The following PLCG2 variants were observed in gnomAD, a reference collection of about 807,000 sequenced individuals.
PLCG2 encodes phospholipase C gamma 2.
Under a neutral mutation model 175.6 loss-of-function variants are expected in PLCG2, and 69 were observed. The ratio of observed to expected loss-of-function variants is 0.39; its 90% confidence interval spans 0.32 to 0.48. PLCG2 has a LOEUF of 0.48. Among genes scored for constraint, PLCG2 ranks in the 20% least tolerant of loss-of-function variants. The pLI, the probability that PLCG2 is intolerant of heterozygous loss-of-function variation, is 0.91. For missense variants in PLCG2, 1,798 were observed against 1,650.9 expected (o/e 1.09, Z -1.54); for synonymous variants, 827 against 624.0 (o/e 1.33, Z -4.85).
intron 19 of PLCG2, among the ~76,000 whole-genome samples, chr16:81,916,346 C>G (rs927362309): frequency 2.3e-4 from 34 of 150,416 alleles, no homozygotes; most frequent in African/African-American, 8.1e-4. Flanking sequence ...TATTTTAAAA[C>G]AAAAAGTCTC....
At chr16:81,815,614 A>G (rs954018754) in intron 2 of PLCG2, among the ~76,000 whole-genome samples, 1 of 152,168 alleles carries the variant, frequency 6.6e-6, no homozygotes, top group African/African-American at 2.4e-5. Flanking sequence ...CTCAAAAGCC[A>G]CTCAGAACAC....
At chr16:81,892,317 C>G (rs888453176) in intron 11 of PLCG2, among the ~76,000 whole-genome samples, 7 of 152,084 alleles carry the variant, frequency 4.6e-5, no homozygotes, top group African/African-American at 1.7e-4. Context: ...ACAGGGGGCT[C>G]TTGGGATGGT....
At chr16:81,899,033 C>CA (rs1465706696) in intron 13 of PLCG2, among the ~76,000 whole-genome samples, 2 of 151,796 alleles carry the variant, frequency 1.3e-5, no homozygotes. Context: ...AGTAAAAATA[C>CA]AAAAAATTAA....
intron 2 of PLCG2, among the ~76,000 whole-genome samples, chr16:81,802,812 C>T (rs1911793488): frequency 6.6e-6 from 1 of 152,250 alleles, no homozygotes; most frequent in South Asian, 2.1e-4. Context: ...CTCAGGTGAT[C>T]CACCCACCTC....
At chr16:81,743,246 G>A (rs1292247670) in intron 1 of PLCG2, among the ~76,000 whole-genome samples, 1 of 152,234 alleles carries the variant, frequency 6.6e-6, no homozygotes, top group African/African-American at 2.4e-5. Flanking sequence ...AGCTACTAGC[G>A]AGGCTAAGGT....
upstream of PLCG2, among the ~76,000 whole-genome samples, chr16:81,777,098 T>C (rs987319771): frequency 5.6e-5 from 8 of 142,706 alleles, no homozygotes; most frequent in Non-Finnish European, 1.2e-4. Context: ...TCAAAAATAC[T>C]ATAGGCTCAC....
chr16:81,823,243 C>T (rs1001031800), intron 2 of PLCG2, among the ~76,000 whole-genome samples: 3 of 152,222 alleles, frequency 2.0e-5, no homozygotes, highest in Admixed American at 6.5e-5. Context: ...GGCTTTACCT[C>T]GAGACTGGAT....
At chr16:81,879,210 G>A (rs1811295695) in intron 7 of PLCG2, among the ~76,000 whole-genome samples, 1 of 152,274 alleles carries the variant, frequency 6.6e-6, no homozygotes, top group African/African-American at 2.4e-5. Flanking sequence ...AAATAAGCTG[G>A]GTGTGGGGCT....
chr16:81,783,744 C>G (rs1031371723), intron 1 of PLCG2, among the ~76,000 whole-genome samples: 4 of 152,186 alleles, frequency 2.6e-5, no homozygotes, highest in African/African-American at 9.7e-5. Context: ...ATGGGGGCAC[C>G]TTGTTCATCC....
At chr16:81,778,827 A>G (rs1186051653), upstream of PLCG2, among the ~76,000 whole-genome samples, 2 of 151,790 alleles carry the variant, frequency 1.3e-5, no homozygotes, top group Non-Finnish European at 2.9e-5. Context: ...TTATTTATTT[A>G]TTTTTGAGAC....
chr16:81,905,940 G>C (rs1348115496), intron 15 of PLCG2, among the ~76,000 whole-genome samples: 1 of 152,196 alleles, frequency 6.6e-6, no homozygotes, highest in East Asian at 1.9e-4. Flanking sequence ...GATTATAGGC[G>C]TAAGCTTCTA....
At chr16:81,756,953 C>T (rs1464360814) in intron 2 of PLCG2, among the ~76,000 whole-genome samples, 1 of 152,128 alleles carries the variant, frequency 6.6e-6, no homozygotes, top group East Asian at 1.9e-4. Flanking sequence ...GTATGGGATT[C>T]CAGTGGTTCC....
intron 1 of PLCG2, among the ~76,000 whole-genome samples, chr16:81,779,917 C>T (rs912962685): frequency 2.0e-5 from 3 of 152,224 alleles, no homozygotes; most frequent in South Asian, 2.1e-4. Flanking sequence ...TTTTGGAGAG[C>T]TTGCAGGACA....
At chr16:81,828,133 A>T (rs1905118490) in intron 2 of PLCG2, among the ~76,000 whole-genome samples, 1 of 151,286 alleles carries the variant, frequency 6.6e-6, no homozygotes, top group Non-Finnish European at 1.5e-5. Flanking sequence ...TGAAACACAC[A>T]AATAAGCAAA....
intron 22 of PLCG2, among the ~76,000 whole-genome samples, chr16:81,926,519 T>C (rs143196340): frequency 1.4e-3 from 219 of 152,338 alleles, no homozygotes; most frequent in Non-Finnish European, 2.4e-3. Flanking sequence ...TTTAGCTGAA[T>C]AATAATAAGA....
chr16:81,744,165 CTTT>C (rs1185124266), intron 1 of PLCG2, among the ~76,000 whole-genome samples: 9 of 127,702 alleles, frequency 7.0e-5, no homozygotes, highest in Admixed American at 1.6e-4. Flanking sequence ...GCCAACTTCC[CTTT>C]TTTTTTTTTT....
chr16:81,860,169 A>ATTTTTT (rs1375490447), intron 5 of PLCG2, among the ~76,000 whole-genome samples: 1 of 93,382 alleles, frequency 1.1e-5, no homozygotes, highest in Non-Finnish European at 2.5e-5. Flanking sequence ...TATTATTATT[A>ATTTTTT]TTATTTTTTT....
chr16:81,921,256 T>G lies in PLCG2; in HGVS notation c.2294T>G (p.Ile765Ser). 6.2e-7 allele frequency: 1 copy of G among 1,607,546 alleles called. No individual in the cohort carries two copies. Among genetic ancestry groups the G allele is most frequent in the African/African-American group, 1.3e-5 (1 of 74,888 alleles). Residue 765 changes from isoleucine to serine, a missense_variant, in exon 21 of 33, where the codon ATC becomes AGC. Physicochemically the swap from Ile to Ser is moderately radical, Grantham distance 142 (BLOSUM62 -2). Transcript: ENST00000564138. ...VSRMYVDPSE[I>S]NPSMPQRTVK... The stretch of plus-strand genomic sequence containing the variant: ...AGAATGTATGTGGATCCCAGTGAAA[T>G]CAATCCGTCCATGGTACGGTGCCGA...
intron 2 of PLCG2, among the ~76,000 whole-genome samples, chr16:81,797,621 G>T (rs1420385861): frequency 6.6e-6 from 1 of 152,234 alleles, no homozygotes; most frequent in East Asian, 1.9e-4. Context: ...GTTAACAGAT[G>T]AATCAGGAAA....
Sources: gnomAD v4.1 joint callset for allele counts (sites outside exome capture counted in the v4.1 genomes callset) on GRCh38, gnomAD v4.1.1 for gene constraint, MANE v1.5 for transcripts, NCBI Gene and HGNC (gene_info 2026-07-23, HGNC 2026-07-21) for gene names.